The following TRPS1 variants were observed in gnomAD, a reference collection of about 807,000 sequenced individuals.
The protein encoded by TRPS1 is transcriptional repressor GATA binding 1.
In TRPS1, 6 loss-of-function variants were observed where a neutral mutation model predicts 101.2. The observed-to-expected ratio is 0.06, with a 90% CI of 0.03 to 0.12. TRPS1 has a LOEUF of 0.12. Among genes scored for constraint, TRPS1 ranks in the 10% least tolerant of loss-of-function variants. The pLI is 1.00. For missense variants in TRPS1, 1,363 were observed against 1,567.0 expected (o/e 0.87, Z 2.20); for synonymous variants, 578 against 589.8 (o/e 0.98, Z 0.29).
At chr8:115,533,737 C>T (rs2130276739) in intron 5 of TRPS1, among the ~76,000 whole-genome samples, 1 of 152,014 alleles carries the variant, frequency 6.6e-6, no homozygotes, top group South Asian at 2.1e-4. Context: ...TCTCACAGTT[C>T]TGAAGGCTGG....
chr8:115,477,259 TAGAC>T (rs1189963211), intron 5 of TRPS1, among the ~76,000 whole-genome samples: 39 of 152,340 alleles, frequency 2.6e-4, no homozygotes, highest in Admixed American at 1.4e-3. Context: ...AAATATGTCA[TAGAC>T]AGAAAGTGAC....
At chr8:115,648,471 G>GAC (rs1166708221) in intron 1 of TRPS1, among the ~76,000 whole-genome samples, 1 of 152,172 alleles carries the variant, frequency 6.6e-6, no homozygotes, top group Non-Finnish European at 1.5e-5. Context: ...GAACGCCAGC[G>GAC]ACACACACGC....
intron 5 of TRPS1, among the ~76,000 whole-genome samples, chr8:115,478,193 T>C (rs556002204): frequency 3.0e-4 from 46 of 152,350 alleles, no homozygotes; most frequent in South Asian, 1.4e-3. Context: ...CCTACACCTA[T>C]GCAATGTGAT....
At chr8:115,637,288 G>A (rs1818792344) in intron 1 of TRPS1, 11 of 985,420 alleles carry the variant, frequency 1.1e-5, no homozygotes, top group Non-Finnish European at 1.3e-5. Flanking sequence ...CCCAGTTGAT[G>A]AGGCTGGACC....
rs1224482846 is a variant in TRPS1 at position 115,418,486 on chromosome 8, G to A, written c.2701-34C>T. The A allele has an allele frequency of 1.2e-6, 2 of 1,613,962 alleles. No homozygotes were observed. The highest frequency in any genetic ancestry group is 3.3e-5 in the Admixed American group (2 of 60,026). On this transcript the variant is annotated intron_variant, in intron 5 of 6. Coordinates refer to ENST00000395715, the MANE Select transcript of TRPS1 (RefSeq NM_014112.5). The surrounding 1 kb of genome is among the most constrained non-coding windows in gnomAD (Gnocchi z 4.3). ...GGGGAAAAAAACCAAGGTCAGAGGT[G>A]AGTCACATGATCAGTGGAGTTAGAC...
intron 5 of TRPS1, among the ~76,000 whole-genome samples, chr8:115,465,207 A>G (rs1814287277): frequency 6.6e-6 from 1 of 152,104 alleles, no homozygotes; most frequent in African/African-American, 2.4e-5. Flanking sequence ...GTATTCTATT[A>G]TAATTGCTGT....
At chr8:115,475,266 TTATA>T (rs33922102) in intron 5 of TRPS1, among the ~76,000 whole-genome samples, 18,426 of 122,584 alleles carry the variant, frequency 0.15, 1,762 homozygotes, top group East Asian at 0.47. Flanking sequence ...TGAATCACAG[TTATA>T]TATATATATA....
intron 5 of TRPS1, among the ~76,000 whole-genome samples, chr8:115,558,472 G>T (rs1816875950): frequency 6.6e-6 from 1 of 152,138 alleles, no homozygotes; most frequent in African/African-American, 2.4e-5. Context: ...CCAGGCACTG[G>T]TTTTCCATAG....
rs186768656 is a variant in TRPS1, at chr8:115,648,225, G to C, written c.-122+20320C>G. The stretch of plus-strand genomic sequence containing the variant: ...GGGATGCGACGCGACAGGGCAGAGG[G>C]AGTGGGAAGAAGCGGGCAGGAGGCG... On this transcript the variant is annotated intron_variant, in intron 1 of 6. Transcript: ENST00000395715. Among the ~76,000 whole-genome samples, 285 of 152,282 alleles carry C rather than the reference G, an allele frequency of 1.9e-3. 1 individual carries two copies. The highest frequency in any genetic ancestry group is 6.4e-3 in the African/African-American group (264 of 41,540).
chr8:115,625,232 G>C (rs190854381), intron 1 of TRPS1, among the ~76,000 whole-genome samples: 6 of 151,756 alleles, frequency 4.0e-5, no homozygotes, highest in Admixed American at 2.0e-4. Flanking sequence ...AGTAAAAATC[G>C]TATGGAAATT....
At chr8:115,555,294 C>T (rs543988900) in intron 5 of TRPS1, among the ~76,000 whole-genome samples, 2 of 152,194 alleles carry the variant, frequency 1.3e-5, no homozygotes, top group South Asian at 2.1e-4. Context: ...GAATTTCAAT[C>T]GGACTCTTAA....
chr8:115,584,701 C>G (rs917515023), intron 5 of TRPS1, among the ~76,000 whole-genome samples: 74 of 149,546 alleles, frequency 4.9e-4, no homozygotes, highest in Non-Finnish European at 7.4e-5. Flanking sequence ...TTTCAGAATA[C>G]CAACTAATAC....
Position 115,409,273 on chromosome 8 carries a change from A to AAAAAAAAC in TRPS1, c.*4749_*4750insGTTTTTTT, listed in dbSNP as rs1554615612. The AAAAAAAAC allele has an allele frequency of 6.9e-6, 1 of 145,960 alleles. No individual in the cohort carries two copies. Among genetic ancestry groups the AAAAAAAAC allele is most frequent in the Admixed American group, 6.7e-5 (1 of 14,834 alleles). 9.0% of individuals were successfully genotyped at this position (145,960 alleles called of 1,614,324 possible). A position where few individuals can be genotyped will look rare whatever the true frequency, so the allele number is the denominator to read the frequency against. On this transcript the variant is annotated 3_prime_UTR_variant, in exon 7 of 7. Coordinates refer to ENST00000395715, the MANE Select transcript of TRPS1 (RefSeq NM_014112.5). ...GTTTATATGTTGGGAAAAAAAAAAA[A>AAAAAAAAC]AAAAAAAACAGGGGAAAACCAGAAT...
chr8:115,574,849 T>G (rs1817280410), intron 5 of TRPS1, among the ~76,000 whole-genome samples: 1 of 152,144 alleles, frequency 6.6e-6, no homozygotes, highest in African/African-American at 2.4e-5. Flanking sequence ...ACCTGGCTGA[T>G]TCTTTGCTGC....
At chr8:115,446,312 A>G (rs182864366) in intron 5 of TRPS1, among the ~76,000 whole-genome samples, 60 of 148,118 alleles carry the variant, frequency 4.1e-4, no homozygotes, top group African/African-American at 1.2e-3. Context: ...CATCAAAAAA[A>G]TATTTTTTTT....
At chr8:115,473,706 A>G (rs1814529425) in intron 5 of TRPS1, among the ~76,000 whole-genome samples, 1 of 152,204 alleles carries the variant, frequency 6.6e-6, no homozygotes, top group African/African-American at 2.4e-5. Flanking sequence ...GCCATCTATC[A>G]GTCTTAATTA....
In TRPS1 at chr8:115,573,111, C is replaced by T. The variant is rs921087249; in HGVS notation, c.2700+13890G>A. ...TGTGCTCCAGCCTGGGCAACAAGAG[C>T]GAAACTCCATCTCAAAAGAAAAAAA... On this transcript the variant is annotated intron_variant, in intron 5 of 6. Transcript: ENST00000395715. 8.6e-5 allele frequency among the ~76,000 whole-genome samples: 13 copies of T among 150,484 alleles called. No homozygotes were observed. The South Asian group carries it at 1.5e-3, about 17-fold the overall frequency.
At chr8:115,590,233 G>A (rs551354401) in intron 4 of TRPS1, among the ~76,000 whole-genome samples, 2 of 152,136 alleles carry the variant, frequency 1.3e-5, no homozygotes, top group East Asian at 3.9e-4. Flanking sequence ...ACAATATATT[G>A]AGTCATGGAA....
intron 5 of TRPS1, among the ~76,000 whole-genome samples, chr8:115,477,664 A>G (rs564289386): frequency 8.5e-5 from 13 of 152,352 alleles, no homozygotes; most frequent in Non-Finnish European, 1.6e-4. Context: ...AATAACCTCT[A>G]TCAGCTCCAT....
Sources: allele counts gnomAD v4.1 joint callset (sites outside exome capture counted in the v4.1 genomes callset), GRCh38; gene constraint gnomAD v4.1.1; non-coding constraint Gnocchi (gnomAD v3.1); transcripts MANE v1.5; gene names NCBI Gene and HGNC (gene_info 2026-07-23, HGNC 2026-07-21).